Variants in SRBD1 observed in about 807,000 individuals in gnomAD.
The protein encoded by SRBD1 is S1 RNA-binding domain-containing protein 1.
SRBD1 carries 88 observed loss-of-function variants against 115.3 expected under a neutral mutation model. The observed-to-expected ratio is 0.76, with a 90% CI of 0.64 to 0.91. The LOEUF (loss-of-function observed/expected upper bound fraction) is 0.91. Ranked by LOEUF, SRBD1 falls within the 40% of genes least tolerant of loss-of-function variation. The probability of loss-of-function intolerance (pLI) is 0.00; values close to 1 mark genes in which losing one functional copy is unlikely to be tolerated. For missense variants in SRBD1, 1,385 were observed against 1,177.4 expected, an observed-to-expected ratio of 1.18 and a Z score of -2.58; for synonymous variants, 509 against 407.7, an observed-to-expected ratio of 1.25 and a Z score of -2.99.
At chr2:45,601,869 T>G in intron 3 of SRBD1, 34 bp downstream of exon 3, 1 of 1,609,392 alleles carries the variant, frequency 6.2e-7, no homozygotes, top group Non-Finnish European at 8.5e-7. Flanking sequence ...AGGAAGACAC[T>G]ACAGAGTTCC....
At chr2:45,398,679 C>A (rs571335504) in intron 19 of SRBD1, among the ~76,000 whole-genome samples, 1 of 151,994 alleles carries the variant, frequency 6.6e-6, no homozygotes, top group African/African-American at 2.4e-5. Flanking sequence ...TTTAAAAAGT[C>A]CCGAGATAGA....
intron 16 of SRBD1, among the ~76,000 whole-genome samples, chr2:45,448,914 C>T (rs1188834465): frequency 6.6e-6 from 1 of 152,154 alleles, no homozygotes; most frequent in African/African-American, 2.4e-5. Context: ...AATTTTATCA[C>T]CTGGGGCAAC....
At chr2:45,440,090 G>C (rs576784245) in intron 16 of SRBD1, among the ~76,000 whole-genome samples, 3 of 152,278 alleles carry the variant, frequency 2.0e-5, no homozygotes, top group East Asian at 1.9e-4. Context: ...TAGGTAGTCA[G>C]TTAATGACAC....
chr2:45,429,378 C>T (rs189929015), intron 16 of SRBD1, among the ~76,000 whole-genome samples: 26 of 152,014 alleles, frequency 1.7e-4, no homozygotes, highest in Admixed American at 9.8e-4. Context: ...TGATGAACAT[C>T]GATGCAAAAA....
chr2:45,446,889 CCA>C (rs1254034710), intron 16 of SRBD1, among the ~76,000 whole-genome samples: 2 of 152,060 alleles, frequency 1.3e-5, no homozygotes, highest in Non-Finnish European at 2.9e-5. Flanking sequence ...AATTCTACAT[CCA>C]CTGAAACTAT....
chr2:45,513,968 A>G (rs1331683858), intron 14 of SRBD1, among the ~76,000 whole-genome samples: 1 of 152,176 alleles, frequency 6.6e-6, no homozygotes, highest in Non-Finnish European at 1.5e-5. Flanking sequence ...ATTTAGAATC[A>G]GATGATTTGG....
intron 18 of SRBD1, among the ~76,000 whole-genome samples, chr2:45,414,847 T>C (rs944740589): frequency 1.4e-5 from 2 of 143,824 alleles, no homozygotes; most frequent in African/African-American, 5.5e-5. Context: ...CACACACATA[T>C]AGTGTGTATA....
At chr2:45,566,458 A>G (rs780282798) in intron 9 of SRBD1, among the ~76,000 whole-genome samples, 18 of 152,244 alleles carry the variant, frequency 1.2e-4, no homozygotes, top group Non-Finnish European at 1.9e-4. Context: ...CAGCGGCAAA[A>G]GTCTGCATAT....
At chr2:45,535,212 T>C (rs1343943236) in intron 14 of SRBD1, among the ~76,000 whole-genome samples, 1 of 152,010 alleles carries the variant, frequency 6.6e-6, no homozygotes, top group African/African-American at 2.4e-5. Context: ...CTAATCAACA[T>C]CTTTTTGGGA....
At chr2:45,448,090 G>A (rs913003498) in intron 16 of SRBD1, 1 of 152,082 alleles carries the variant, frequency 6.6e-6, no homozygotes, top group African/African-American at 2.4e-5. Flanking sequence ...AATAAGATAA[G>A]ATTATTACTG....
chr2:45,535,368 G>A (rs918804828), intron 14 of SRBD1, among the ~76,000 whole-genome samples: 6 of 151,988 alleles, frequency 3.9e-5, no homozygotes, highest in African/African-American at 7.2e-5. Flanking sequence ...TGTAAGAAAC[G>A]CATGGTGATG....
intron 7 of SRBD1, among the ~76,000 whole-genome samples, chr2:45,578,957 T>C (rs957327093): frequency 6.6e-6 from 1 of 152,342 alleles, no homozygotes; most frequent in Middle Eastern, 3.4e-3. Context: ...TATTAATATA[T>C]GTATATCAAA....
At chr2:45,605,473 C>T (rs1291999922) in intron 1 of SRBD1, 32 bp from the exon 2 acceptor site, 2 of 1,576,270 alleles carry the variant, frequency 1.3e-6, no homozygotes, top group South Asian at 2.2e-5. Flanking sequence ...ATCAGCAACA[C>T]TTGAATATTC....
At chr2:45,524,694 A>G (rs80169674) in intron 14 of SRBD1, among the ~76,000 whole-genome samples, 1,773 of 152,138 alleles carry the variant, frequency 0.012, 44 homozygotes, top group African/African-American at 0.039. Context: ...TTAAAGACTT[A>G]AGATTGTAAA....
At chr2:45,530,720 T>C (rs986196075) in intron 14 of SRBD1, among the ~76,000 whole-genome samples, 2 of 152,134 alleles carry the variant, frequency 1.3e-5, no homozygotes, top group East Asian at 1.9e-4. Context: ...ACCCAGTTCC[T>C]AGTATCAGTC....
chr2:45,533,661 C>T (rs1671680013), intron 14 of SRBD1, among the ~76,000 whole-genome samples: 1 of 151,906 alleles, frequency 6.6e-6, no homozygotes, highest in African/African-American at 2.4e-5. Context: ...CATACGCAAA[C>T]AGATTAGACA....
chr2:45,440,479 A>G (rs576733760), intron 16 of SRBD1, among the ~76,000 whole-genome samples: 42 of 152,302 alleles, frequency 2.8e-4, no homozygotes, highest in African/African-American at 1.0e-3. Flanking sequence ...AACAAAGAAA[A>G]CATTAGTATA....
chr2:45,531,107 G>A (rs1407128394), intron 14 of SRBD1, among the ~76,000 whole-genome samples: 1 of 151,760 alleles, frequency 6.6e-6, no homozygotes, highest in Non-Finnish European at 1.5e-5. Context: ...TATACTGATG[G>A]TTACAGTCTG....
intron 16 of SRBD1, among the ~76,000 whole-genome samples, chr2:45,440,789 T>TGAGAGAGACAGAAA (rs947588814): frequency 1.3e-5 from 2 of 151,976 alleles, no homozygotes; most frequent in African/African-American, 4.8e-5. Flanking sequence ...TGGTTCTGTG[T>TGAGAGAGACAGAAA]GAGAGAGACA....
Sources: gnomAD v4.1 joint callset for allele counts (sites outside exome capture counted in the v4.1 genomes callset) on GRCh38, gnomAD v4.1.1 for gene constraint, MANE v1.5 for transcripts, NCBI Gene and HGNC (gene_info 2026-07-23, HGNC 2026-07-21) for gene names.